Variants in MUC5AC observed in about 807,000 individuals in gnomAD.
MUC5AC encodes the protein mucin-5AC.
A neutral mutation model predicts 169.7 loss-of-function variants in MUC5AC; 158 were observed. The observed-to-expected ratio is 0.93, with a 90% CI of 0.82 to 1.06. The LOEUF is 1.06. Ranked by LOEUF, MUC5AC falls within the 50% of genes least tolerant of loss-of-function variation. MUC5AC has a pLI of 0.00. For synonymous variants in MUC5AC, 1,975 were observed against 1,237.0 expected (o/e 1.60, Z -12.52); for missense variants, 4,359 against 3,089.9 (o/e 1.41, Z -9.74).
Position 1,197,604 on chromosome 11 carries a change from C to A in MUC5AC, c.15998C>A (p.Pro5333Gln). Reference sequence around the variant, plus strand: ...GGCTTCGTGCCTGTGCCTGCAGCCCCACAGGCCGGCCAGTGCTGCCCCCAG... The same window carrying A: ...GGCTTCGTGCCTGTGCCTGCAGCCCAACAGGCCGGCCAGTGCTGCCCCCAG... ...LPGFVPVPAA[P>Q]QAGQCCPQYS... Residue 5333 changes from proline to glutamine, a missense_variant, in exon 41 of 49, where the codon CCA becomes CAA. By Grantham distance (76) the Pro-to-Gln change is moderately conservative. Transcript: ENST00000621226. 1 of 726,740 alleles carries A rather than the reference C, an allele frequency of 1.4e-6. No homozygotes were observed. Among genetic ancestry groups the A allele is most frequent in the Non-Finnish European group, 2.5e-6 (1 of 399,606 alleles). 45.0% of individuals were successfully genotyped at this position (726,740 alleles called of 1,614,324 possible). A position where few individuals can be genotyped will look rare whatever the true frequency, so the allele number is the denominator to read the frequency against.
chr11:1,185,125 C>A lies in MUC5AC; in HGVS notation c.6980C>A (p.Ala2327Asp), dbSNP rs1590145272. 1 of 720,370 alleles carries A rather than the reference C, an allele frequency of 1.4e-6. No individual in the cohort carries two copies. 44.6% of individuals were successfully genotyped at this position (720,370 alleles called of 1,614,324 possible). The change falls in exon 31 of 49, where the codon GCC becomes GAC. Residue 2327 changes from alanine to aspartate, a missense_variant. Coordinates refer to ENST00000621226, the MANE Select transcript of MUC5AC (RefSeq NM_001304359.2). ...GCTCCTACAACTAGCATAACCTCTG[C>A]CCCTACAACCAGCACAACCTCTGCC... ...ISAPTTSITS[A>D]PTTSTTSAPT... is the part of the protein sequence containing the mutation.
chr11:1,181,110 A>G (rs879180508), intron 28 of MUC5AC, 29 bp from the exon 29 acceptor site: 233 of 398,480 alleles, frequency 5.8e-4, no homozygotes, highest in Admixed American at 9.7e-4. Context: ...GCCCCCACGC[A>G]TCGGCCTGCC....
chr11:1,174,150 G>A (rs1219860658), intron 16 of MUC5AC, among the ~76,000 whole-genome samples: 1 of 152,264 alleles, frequency 6.6e-6, no homozygotes, highest in African/African-American at 2.4e-5. Context: ...AAACTTCAGG[G>A]GTTTGTTGCC....
intron 25 of MUC5AC, 126 bp downstream of exon 25, chr11:1,178,809 T>A (rs1860745733): frequency 6.3e-6 from 3 of 475,060 alleles, no homozygotes; most frequent in Non-Finnish European, 1.0e-5. Context: ...CTGCTGGGAC[T>A]GGCGCTGGTA....
intron 11 of MUC5AC, 36 bp downstream of exon 11, chr11:1,165,796 A>T (rs1280952338): frequency 3.7e-6 from 6 of 1,608,410 alleles, no homozygotes; most frequent in Non-Finnish European, 5.1e-6. Flanking sequence ...CGCCGGACAG[A>T]GGGGGCCCAT....
chr11:1,177,409 G>T, intron 23 of MUC5AC, 45 bp from the exon 24 acceptor site: 1 of 404,176 alleles, frequency 2.5e-6, no homozygotes, highest in Non-Finnish European at 4.4e-6. Flanking sequence ...GGTCAGGTGG[G>T]CTGGGGTTCT....
chr11:1,160,197 G>A (rs1195635207), intron 1 of MUC5AC, among the ~76,000 whole-genome samples: 1 of 152,112 alleles, frequency 6.6e-6, no homozygotes, highest in East Asian at 1.9e-4. Context: ...TCCTCCAGGT[G>A]GTCTTGGGGC....
Position 1,186,930 on chromosome 11 carries a change from A to G in MUC5AC, c.8785A>G (p.Thr2929Ala), listed in dbSNP as rs1590146084. ...TACAAGCAGCACAACCTCAGCTACTACAACCAGCACAATCTCTGTTCCTAC... is the reference window on the plus strand; with the variant it reads ...TACAAGCAGCACAACCTCAGCTACTGCAACCAGCACAATCTCTGTTCCTAC... ...APTSSTTSAT[T>A]TSTISVPTTS... The change falls in exon 31 of 49, where the codon ACA becomes GCA. Residue 2929 changes from threonine to alanine, a missense_variant. Transcript: ENST00000621226. 2 of 722,986 alleles carry G rather than the reference A, an allele frequency of 2.8e-6. No individual in the cohort carries two copies. Among genetic ancestry groups the G allele is most frequent in the East Asian group, 5.1e-5 (2 of 38,862 alleles). 44.8% of individuals were successfully genotyped at this position (722,986 alleles called of 1,614,324 possible). A position where few individuals can be genotyped will look rare whatever the true frequency, so the allele number is the denominator to read the frequency against.
chr11:1,184,835 T>C lies in MUC5AC; in HGVS notation c.6690T>C (p.Pro2230=). 3.1e-6 allele frequency: 2 copies of C among 639,500 alleles called. No homozygotes were observed. The highest frequency in any genetic ancestry group is 5.6e-6 in the Non-Finnish European group (2 of 357,394). 39.6% of individuals were successfully genotyped at this position (639,500 alleles called of 1,614,324 possible). Residue 2230 remains proline (P), a synonymous_variant, in exon 31 of 49, where the codon CCT becomes CCC. Coordinates refer to ENST00000621226, the MANE Select transcript of MUC5AC (RefSeq NM_001304359.2). ...CPVTSTPVTA[P]STPSGRATSP... The stretch of plus-strand genomic sequence containing the variant: ...TGACCTCCACACCTGTGACAGCTCC[T>C]AGCACCCCTAGTGGGAGAGCCACCA...
chr11:1,197,123 A>T (rs1861297910), intron 40 of MUC5AC, among the ~76,000 whole-genome samples: 1 of 152,058 alleles, frequency 6.6e-6, no homozygotes, highest in African/African-American at 2.4e-5. Flanking sequence ...CGTATTGGGG[A>T]CGGTGCCGGG....
At chr11:1,174,656 G>A (rs1778874031) in intron 17 of MUC5AC, 34 bp downstream of exon 17, 11 of 843,516 alleles carry the variant, frequency 1.3e-5, no homozygotes, top group East Asian at 2.8e-5. Context: ...CCTTTCCCTC[G>A]CTGGGTGGCC....
intron 35 of MUC5AC, 74 bp downstream of exon 35, chr11:1,194,744 A>G: frequency 1.5e-6 from 1 of 673,410 alleles, no homozygotes; most frequent in Middle Eastern, 2.6e-4. Context: ...CGAGGCCACC[A>G]CGTGCCGCGT....
intron 1 of MUC5AC, 85 bp downstream of exon 1, chr11:1,158,157 T>A: frequency 7.8e-7 from 1 of 1,274,474 alleles, no homozygotes; most frequent in South Asian, 1.3e-5. Flanking sequence ...TTGCCCTGGG[T>A]TCCGGGCAGG....
intron 4 of MUC5AC, 44 bp downstream of exon 4, chr11:1,162,212 G>A: frequency 6.3e-7 from 1 of 1,592,194 alleles, no homozygotes; most frequent in South Asian, 1.1e-5. Context: ...CGGCGTGTGG[G>A]GTGGCATTTC....
At chr11:1,162,202 C>A (rs543123705) in intron 4 of MUC5AC, 34 bp downstream of exon 4, 1 of 1,597,568 alleles carries the variant, frequency 6.3e-7, no homozygotes, top group Non-Finnish European at 8.5e-7. Context: ...GGGGGCCACG[C>A]GGCGTGTGGG....
At chr11:1,170,532 CCCAT>C in intron 15 of MUC5AC, among the ~76,000 whole-genome samples, 3 of 137,996 alleles carry the variant, frequency 2.2e-5, no homozygotes, top group African/African-American at 5.6e-5. Context: ...CACCCATTCA[CCCAT>C]TCACTCACTC....
intron 37 of MUC5AC, 50 bp downstream of exon 37, chr11:1,196,104 A>G: frequency 1.4e-6 from 1 of 729,866 alleles, no homozygotes; most frequent in Non-Finnish European, 2.5e-6. Context: ...TGAGGGGCAC[A>G]GGCACGCCGG....
At chr11:1,166,024 T>C (rs1286252871) in intron 11 of MUC5AC, among the ~76,000 whole-genome samples, 1 of 152,138 alleles carries the variant, frequency 6.6e-6, no homozygotes, top group Non-Finnish European at 1.5e-5. Context: ...GCTGTTTATT[T>C]AACAGACTTT....
At position 1,161,584 on chromosome 11, in the gene MUC5AC, G is replaced by A. The variant is rs756505759; in HGVS notation, c.209G>A (p.Arg70Gln). ...TCTCTGAGGACCATCCCTGTGGTAC[G>A]AGGTGAGTGGAGCCCGGAGGCCTGG... ...FPSLRTIPVVRASNPAHNGRV... is the reference protein window; with the variant it reads ...FPSLRTIPVVQASNPAHNGRV... The change falls in exon 3 of 49, where the codon CGA becomes CAA. Residue 70 changes from arginine (R) to glutamine (Q), a missense_variant and splice_region_variant. Transcript: ENST00000621226. The A allele has an allele frequency of 7.5e-6, 12 of 1,609,508 alleles. No homozygotes were observed. The highest frequency in any genetic ancestry group is 2.2e-5 in the South Asian group (2 of 90,928).
Sources: gnomAD v4.1 joint callset for allele counts (sites outside exome capture counted in the v4.1 genomes callset) on GRCh38, gnomAD v4.1.1 for gene constraint, MANE v1.5 for transcripts, NCBI Gene and HGNC (gene_info 2026-07-23, HGNC 2026-07-21) for gene names.